KIAA0319L: variants seen among roughly 807,000 people sequenced by gnomAD.
The protein encoded by KIAA0319L is dyslexia-associated protein KIAA0319-like protein.
In KIAA0319L, 55 loss-of-function variants were observed where a neutral mutation model predicts 120.1. The observed-to-expected ratio is 0.46, with a 90% CI of 0.37 to 0.57. KIAA0319L has a LOEUF of 0.57. KIAA0319L is among the 20% of genes least tolerant of loss of function. The pLI is 0.00. For synonymous variants in KIAA0319L, 398 were observed against 471.9 expected, an observed-to-expected ratio of 0.84 and a Z score of 2.03; for missense variants, 1,049 against 1,255.3, an observed-to-expected ratio of 0.84 and a Z score of 2.48.
intron 13 of KIAA0319L, 148 bp from the exon 14 acceptor site, chr1:35,450,657 T>A: frequency 1.4e-6 from 1 of 700,932 alleles, no homozygotes; most frequent in Non-Finnish European, 2.4e-6. Flanking sequence ...ACCAACAGTG[T>A]AGATGAAAGC....
rs768053972 is a variant in KIAA0319L at position 35,460,327 on chromosome 1, C to T, written c.1405G>A (p.Val469Ile). 2.5e-6 allele frequency: 4 copies of T among 1,612,346 alleles called. No homozygotes were observed. Among genetic ancestry groups the T allele is most frequent in the African/African-American group, 2.7e-5 (2 of 74,790 alleles). The change falls in exon 9 of 21, where the codon GTC (valine) becomes ATC (isoleucine). Residue 469 changes from valine to isoleucine, a missense_variant. Coordinates refer to ENST00000325722, the MANE Select transcript of KIAA0319L (RefSeq NM_024874.5). ...DTAILKLSKL[V>I]PGNYTFSLTV... The stretch of plus-strand genomic sequence containing the variant: ...TACCTGAAAGTGTAGTTCCCAGGGA[C>T]GAGTTTACTTAGTTTTAATATGGCT...
rs80083044 is a variant in KIAA0319L at position 35,530,213 on chromosome 1, T to C, written c.143-23078A>G. Among the ~76,000 whole-genome samples the C allele has an allele frequency of 1.3e-5, 2 of 151,722 alleles. 1 individual carries two copies. The highest frequency in any genetic ancestry group is 4.2e-4 in the South Asian group (2 of 4,804). On this transcript the variant is annotated intron_variant, in intron 2 of 20. Coordinates refer to ENST00000325722, the MANE Select transcript of KIAA0319L (RefSeq NM_024874.5). ...ACCATGCCCGGCCTTTTTTTTTTTT[T>C]TGTAAAGTCAGGGCTTCACTATGTT... is the stretch of plus-strand genomic sequence containing the variant.
At chr1:35,452,441 T>G (rs1334772293) in intron 12 of KIAA0319L, among the ~76,000 whole-genome samples, 1 of 152,182 alleles carries the variant, frequency 6.6e-6, no homozygotes, top group Non-Finnish European at 1.5e-5. Flanking sequence ...AGCCCTCTGC[T>G]CAAGGATCAA....
chr1:35,526,329 G>A (rs931054709), intron 2 of KIAA0319L, among the ~76,000 whole-genome samples: 4 of 144,382 alleles, frequency 2.8e-5, no homozygotes, highest in Non-Finnish European at 4.5e-5. Context: ...GTATGTGTGT[G>A]TATATGTATA....
intron 3 of KIAA0319L, among the ~76,000 whole-genome samples, chr1:35,502,780 A>G (rs984156003): frequency 2.6e-5 from 4 of 152,120 alleles, no homozygotes; most frequent in African/African-American, 9.7e-5. Flanking sequence ...GCGCCTTGCT[A>G]TCTTTGCCTC....
At chr1:35,445,052 G>A (rs1226822197) in intron 16 of KIAA0319L, among the ~76,000 whole-genome samples, 1 of 152,128 alleles carries the variant, frequency 6.6e-6, no homozygotes, top group Non-Finnish European at 1.5e-5. Context: ...AAATCAGTGA[G>A]TCACACTGGT....
chr1:35,481,283 A>C (rs1324197758), intron 3 of KIAA0319L, among the ~76,000 whole-genome samples: 2 of 152,196 alleles, frequency 1.3e-5, no homozygotes, highest in African/African-American at 4.8e-5. Context: ...CACGTGTTCT[A>C]ATTTATCTTA....
chr1:35,542,510 CAT>C (rs1646832040), intron 2 of KIAA0319L, among the ~76,000 whole-genome samples: 3 of 152,168 alleles, frequency 2.0e-5, no homozygotes, highest in Non-Finnish European at 4.4e-5. Context: ...GGACCTTAAC[CAT>C]ATGGGCTTTT....
intron 15 of KIAA0319L, among the ~76,000 whole-genome samples, chr1:35,449,446 T>C (rs1037553544): frequency 3.3e-5 from 5 of 152,202 alleles, no homozygotes; most frequent in African/African-American, 1.2e-4. Context: ...CTTATAAAAA[T>C]AAATTGTTTT....
Position 35,478,563 on chromosome 1 carries a change from T to TCCACAA in KIAA0319L, c.913+402_913+403insTTGTGG, listed in dbSNP as rs770027451. Among the ~76,000 whole-genome samples, 190 of 152,180 alleles carry TCCACAA rather than the reference T, an allele frequency of 1.2e-3. 2 individuals carry two copies. The East Asian group carries it at 0.017, about 14-fold the overall frequency. On this transcript the variant is annotated intron_variant, in intron 4 of 20. Transcript: ENST00000325722. ...ACAACTACTATATATCCACAAAAAT[T>TCCACAA]AAAAGTTTTAAAAATAAATAAAAAT...
chr1:35,482,251 CA>C (rs1056809637), intron 3 of KIAA0319L, among the ~76,000 whole-genome samples: 2 of 152,020 alleles, frequency 1.3e-5, no homozygotes, highest in Non-Finnish European at 2.9e-5. Context: ...GTATGAATAA[CA>C]AAATACAAAC....
intron 2 of KIAA0319L, among the ~76,000 whole-genome samples, chr1:35,544,123 T>C (rs1007623137): frequency 2.0e-5 from 3 of 152,046 alleles, no homozygotes; most frequent in Non-Finnish European, 4.4e-5. Flanking sequence ...ATCCTAGCAC[T>C]TTGGGGGGCC....
intron 3 of KIAA0319L, among the ~76,000 whole-genome samples, chr1:35,497,018 G>A (rs1189537658): frequency 6.8e-6 from 1 of 147,566 alleles, no homozygotes; most frequent in Non-Finnish European, 1.5e-5. Context: ...AAAACATTAC[G>A]CTAAGTAGAA....
intron 3 of KIAA0319L, among the ~76,000 whole-genome samples, chr1:35,502,046 AG>A (rs1167467185): frequency 6.6e-6 from 1 of 152,080 alleles, no homozygotes; most frequent in East Asian, 1.9e-4. Context: ...TGGGAGGCAG[AG>A]GCAGGCGGAT....
chr1:35,484,782 A>G (rs1462067637), intron 3 of KIAA0319L, among the ~76,000 whole-genome samples: 4 of 45,802 alleles, frequency 8.7e-5, no homozygotes, highest in Non-Finnish European at 1.1e-4. Flanking sequence ...ATATATATAT[A>G]TATATATATA....
At position 35,434,955 on chromosome 1, in the gene KIAA0319L, C is replaced by G. The variant is rs770349013; in HGVS notation, c.3089G>C (p.Gly1030Ala). 1.2e-6 allele frequency: 2 copies of G among 1,613,966 alleles called. No homozygotes were observed. The highest frequency in any genetic ancestry group is 1.7e-6 in the Non-Finnish European group (2 of 1,180,052). ...AGGGGTCTGCCCGTTGGGTACAGAG[C>G]CATTCTGACCATGCAGGAGTTTGCC... The part of the protein sequence containing the change: ...EKGKLLHGQN[G>A]SVPNGQTPLK... Residue 1030 changes from glycine (G) to alanine (A), a missense_variant, in exon 21 of 21, where the codon GGC becomes GCC. Coordinates refer to ENST00000325722, the MANE Select transcript of KIAA0319L (RefSeq NM_024874.5).
At chr1:35,488,626 T>C (rs1644474543) in intron 3 of KIAA0319L, among the ~76,000 whole-genome samples, 1 of 151,962 alleles carries the variant, frequency 6.6e-6, no homozygotes, top group Non-Finnish European at 1.5e-5. Context: ...AATCAAAGAA[T>C]AGAACATTTA....
At position 35,448,155 on chromosome 1, in the gene KIAA0319L, C is replaced by G. The variant is rs554050475; in HGVS notation, c.2513+18G>C. The G allele has an allele frequency of 6.4e-7, 1 of 1,566,562 alleles. No individual in the cohort carries two copies. Among genetic ancestry groups the G allele is most frequent in the Non-Finnish European group, 8.7e-7 (1 of 1,153,686 alleles). On this transcript the variant is annotated intron_variant, in intron 16 of 20. Coordinates refer to ENST00000325722, the MANE Select transcript of KIAA0319L (RefSeq NM_024874.5). ...CCCCTGGTCTTTCCTTTGCTCCCCCCATTCATTGCCCAGCTACCTCTGCTC... is the reference window on the plus strand; with the variant it reads ...CCCCTGGTCTTTCCTTTGCTCCCCCGATTCATTGCCCAGCTACCTCTGCTC...
intron 20 of KIAA0319L, among the ~76,000 whole-genome samples, chr1:35,436,242 C>G (rs980087699): frequency 3.9e-4 from 59 of 152,328 alleles, no homozygotes; most frequent in Middle Eastern, 6.8e-3. Context: ...TGAGCGCATC[C>G]AGACCCTGAT....
Sources: allele counts gnomAD v4.1 joint callset (sites outside exome capture counted in the v4.1 genomes callset), GRCh38; gene constraint gnomAD v4.1.1; transcripts MANE v1.5; gene names NCBI Gene and HGNC (gene_info 2026-07-23, HGNC 2026-07-21).